Variants in METTL14 observed in about 807,000 individuals in gnomAD.
METTL14 encodes the protein N(6)-adenosine-methyltransferase non-catalytic subunit METTL14.
Under a neutral mutation model 62.4 loss-of-function variants are expected in METTL14, and 32 were observed. The observed-to-expected ratio is 0.51, with a 90% CI of 0.39 to 0.69. METTL14 has a LOEUF of 0.69. Ranked by LOEUF, METTL14 falls within the 30% of genes least tolerant of loss-of-function variation. The pLI is 0.00. For synonymous variants in METTL14, 150 were observed against 180.0 expected (o/e 0.83, Z 1.34); for missense variants, 340 against 551.9 (o/e 0.62, Z 3.85).
chr4:118,694,956 C>CA (rs1724364376), intron 6 of METTL14, among the ~76,000 whole-genome samples: 1 of 151,986 alleles, frequency 6.6e-6, no homozygotes, highest in African/African-American at 2.4e-5. Context: ...CACGCACCAC[C>CA]ATGCCTGGCT....
In METTL14 at chr4:118,708,927, G is replaced by A. The variant is rs1246461837; in HGVS notation, c.1067-1071G>A. 2.0e-5 allele frequency among the ~76,000 whole-genome samples: 3 copies of A among 152,264 alleles called. No homozygotes were observed. The East Asian group carries it at 5.8e-4, about 29-fold the overall frequency. Reference sequence around the variant, plus strand: ...AGCACCGTGTCTGTATTGGGTATTTGTAGTTCCTTCCATTCTAAAGACAGT... The same window carrying A: ...AGCACCGTGTCTGTATTGGGTATTTATAGTTCCTTCCATTCTAAAGACAGT... On this transcript the variant is annotated intron_variant, in intron 10 of 10. Transcript: ENST00000388822.
At chr4:118,707,929 G>A (rs1217637533) in intron 10 of METTL14, among the ~76,000 whole-genome samples, 1 of 151,626 alleles carries the variant, frequency 6.6e-6, no homozygotes, top group Non-Finnish European at 1.5e-5. Flanking sequence ...CGCCTCCCAG[G>A]TTCAAGTGAT....
At chr4:118,693,556 G>A (rs1271087512) in intron 5 of METTL14, among the ~76,000 whole-genome samples, 1 of 152,066 alleles carries the variant, frequency 6.6e-6, no homozygotes, top group African/African-American at 2.4e-5. Flanking sequence ...TTACTTGTAA[G>A]CAACATTTCT....
At chr4:118,695,011 T>C (rs1025226117) in intron 6 of METTL14, among the ~76,000 whole-genome samples, 2 of 134,106 alleles carry the variant, frequency 1.5e-5, no homozygotes, top group African/African-American at 2.5e-5. Flanking sequence ...TTTGTATTTT[T>C]AGTAGAGACG....
chr4:118,709,991 A>C lies in METTL14; in HGVS notation c.1067-7A>C. On this transcript the variant is annotated splice_region_variant and splice_polypyrimidine_tract_variant and intron_variant, in intron 10 of 10. Coordinates refer to ENST00000388822, the MANE Select transcript of METTL14 (RefSeq NM_020961.4). ...AAAAAGTATAATCTTTTTTTCCTCC[A>C]TTTCAGGCTGGCTCACAGTTGGACC... is the stretch of plus-strand genomic sequence containing the variant. 6.3e-7 allele frequency: 1 copy of C among 1,580,178 alleles called. No individual in the cohort carries two copies. The highest frequency in any genetic ancestry group is 8.6e-7 in the Non-Finnish European group (1 of 1,165,794).
chr4:118,695,841 G>A (rs1042492811), intron 6 of METTL14, among the ~76,000 whole-genome samples: 1 of 151,948 alleles, frequency 6.6e-6, no homozygotes, highest in Non-Finnish European at 1.5e-5. Context: ...GCCGGGTGCG[G>A]TGGCTCACAC....
Position 118,711,793 on chromosome 4 carries a change from G to A in METTL14, c.*1491G>A, listed in dbSNP as rs1198446459. ...TCTAGATTTAGAACTCTATATGTCAGCATTGACCTGGGAATGAAGTCAGGA... is the reference window on the plus strand; with the variant it reads ...TCTAGATTTAGAACTCTATATGTCAACATTGACCTGGGAATGAAGTCAGGA... On this transcript the variant is annotated 3_prime_UTR_variant, in exon 11 of 11. Coordinates refer to ENST00000388822, the MANE Select transcript of METTL14 (RefSeq NM_020961.4). 1 of 152,088 alleles carries A rather than the reference G, an allele frequency of 6.6e-6. No homozygotes were observed. Among genetic ancestry groups the A allele is most frequent in the Admixed American group, 6.5e-5 (1 of 15,272 alleles). 9.4% of individuals were successfully genotyped at this position (152,088 alleles called of 1,614,324 possible). A position where few individuals can be genotyped will look rare whatever the true frequency, so the allele number is the denominator to read the frequency against.
intron 6 of METTL14, among the ~76,000 whole-genome samples, chr4:118,695,132 A>G (rs1050479578): frequency 3.3e-5 from 5 of 151,964 alleles, no homozygotes; most frequent in Non-Finnish European, 5.9e-5. Flanking sequence ...ACTGAGCCCT[A>G]TTTCTTCGTT....
At chr4:118,697,620 A>G (rs965356692) in intron 7 of METTL14, among the ~76,000 whole-genome samples, 2 of 152,264 alleles carry the variant, frequency 1.3e-5, no homozygotes, top group African/African-American at 4.8e-5. Context: ...TTAAAAACAG[A>G]TGGAATGATT....
At position 118,710,840 on chromosome 4, in the gene METTL14, CTTCCCAAA is replaced by C. The variant is rs1724897893; in HGVS notation, c.*540_*547del. ...AATTAAGAGACTTTGAACAAAAACT[CTTCCCAAA>C]TCTAAATTTGATAGGGGAGGTGGAG... On this transcript the variant is annotated 3_prime_UTR_variant, in exon 11 of 11. Transcript: ENST00000388822. The C allele has an allele frequency of 6.6e-6, 1 of 151,214 alleles. No individual in the cohort carries two copies. Among genetic ancestry groups the C allele is most frequent in the Non-Finnish European group, 1.5e-5 (1 of 67,906 alleles). The allele number at this position is 151,214 out of a possible 1,614,324, so 9.4% of individuals were successfully genotyped here.
In METTL14 at chr4:118,690,036, T is replaced by C. The variant is rs933905924; in HGVS notation, c.243+579T>C. Among the ~76,000 whole-genome samples, 93 of 28,316 alleles carry C rather than the reference T, an allele frequency of 3.3e-3. 1 individual carries two copies. Among genetic ancestry groups the C allele is most frequent in the Non-Finnish European group, 9.9e-3 (85 of 8,612 alleles). The allele number at this position is 28,316 out of a possible 152,430, so 18.6% of individuals were successfully genotyped here. On this transcript the variant is annotated intron_variant, in intron 3 of 10. Transcript: ENST00000388822. ...TGGTAAGAACTAGGTAATAATATTC[T>C]TTTTTTTTTTTTTTTTTTTTGTGAG...
chr4:118,705,055 G>A (rs528319405), intron 9 of METTL14, among the ~76,000 whole-genome samples: 2 of 152,286 alleles, frequency 1.3e-5, no homozygotes, highest in South Asian at 4.1e-4. Context: ...ACACATCTGG[G>A]ATCAGAAGTG....
At position 118,714,671 on chromosome 4, in the gene METTL14, C is replaced by A. The variant is rs1725005841; in HGVS notation, c.*4369C>A. 1 of 152,224 alleles carries A rather than the reference C, an allele frequency of 6.6e-6. No individual in the cohort carries two copies. Among genetic ancestry groups the A allele is most frequent in the Non-Finnish European group, 1.5e-5 (1 of 68,064 alleles). The allele number at this position is 152,224 out of a possible 1,614,324, so 9.4% of individuals were successfully genotyped here. On this transcript the variant is annotated 3_prime_UTR_variant, in exon 11 of 11. Transcript: ENST00000388822. ...ATAAGATCTTGGCTCACTGCAACCT[C>A]CGCCTCCAGGGTTGAAGCGATTCTT...
In METTL14 at chr4:118,705,726, T is replaced by C. The variant is rs745819104; in HGVS notation, c.971T>C (p.Ile324Thr). 1 of 1,614,086 alleles carries C rather than the reference T, an allele frequency of 6.2e-7. No individual in the cohort carries two copies. Among genetic ancestry groups the C allele is most frequent in the Non-Finnish European group, 8.5e-7 (1 of 1,179,952 alleles). The change falls in exon 10 of 11, where the codon ATA becomes ACA. Residue 324 changes from isoleucine to threonine, a missense_variant. Ile to Thr is a moderately conservative substitution (Grantham distance 89). Around this residue, in one of 7 missense-constraint regions of METTL14, gnomAD observed 62 missense variants for 82.3 expected, o/e 0.75. Coordinates refer to ENST00000388822, the MANE Select transcript of METTL14 (RefSeq NM_020961.4). ...IITEEPEIGN[I>T]EKPVEIFHII... ...ACAGAAGAACCTGAAATTGGCAATATAGAAAAACCTGTAGAAATTTTTCAT... is the reference window on the plus strand; with the variant it reads ...ACAGAAGAACCTGAAATTGGCAATACAGAAAAACCTGTAGAAATTTTTCAT...
rs997990453 is a variant in METTL14, at chr4:118,689,394, A to G, written c.180A>G (p.Pro60=). The change falls in exon 3 of 11, where the codon CCA becomes CCG. Residue 60 remains proline, a synonymous_variant. Transcript: ENST00000388822. ...GGGCTTCCTATGATACCTCTGCTCC[A>G]AATGCAAAACGTAAGTATCTGGATG... is the stretch of plus-strand genomic sequence containing the variant. ...TCRASYDTSA[P]NAKRKYLDEG... 1 of 1,605,000 alleles carries G rather than the reference A, an allele frequency of 6.2e-7. No individual in the cohort carries two copies. The highest frequency in any genetic ancestry group is 1.3e-5 in the African/African-American group (1 of 74,596).
intron 10 of METTL14, among the ~76,000 whole-genome samples, chr4:118,707,298 G>A (rs1050814565): frequency 4.6e-5 from 7 of 152,082 alleles, no homozygotes; most frequent in Non-Finnish European, 1.0e-4. Context: ...AAAATTTGAT[G>A]GATCAAAGTG....
chr4:118,697,575 G>T (rs1421795121), intron 7 of METTL14, among the ~76,000 whole-genome samples: 3 of 151,970 alleles, frequency 2.0e-5, no homozygotes, highest in Non-Finnish European at 2.9e-5. Flanking sequence ...TTAAAATTTT[G>T]GTCTTAGAGT....
At chr4:118,707,835 A>C (rs1724801357) in intron 10 of METTL14, among the ~76,000 whole-genome samples, 1 of 151,402 alleles carries the variant, frequency 6.6e-6, no homozygotes, top group Non-Finnish European at 1.5e-5. Context: ...CTGAAGCCAG[A>C]CAATTTTTTT....
chr4:118,695,100 G>T (rs537982349), intron 6 of METTL14, among the ~76,000 whole-genome samples: 1 of 152,164 alleles, frequency 6.6e-6, no homozygotes, highest in East Asian at 1.9e-4. Flanking sequence ...AAAATGCTGG[G>T]ATTACAGGCA....
Sources: gnomAD v4.1 joint callset for allele counts (sites outside exome capture counted in the v4.1 genomes callset) on GRCh38, gnomAD v4.1.1 for gene constraint, gnomAD v4.1.1 regional missense constraint, MANE v1.5 for transcripts, NCBI Gene and HGNC (gene_info 2026-07-23, HGNC 2026-07-21) for gene names.